Variants in NAALADL2 observed in about 807,000 individuals in gnomAD.
NAALADL2 encodes the protein N-acetylated alpha-linked acidic dipeptidase like 2.
NAALADL2 carries 76 observed loss-of-function variants against 87.2 expected under a neutral mutation model. The observed-to-expected ratio is 0.87, with a 90% CI of 0.72 to 1.05. The LOEUF (loss-of-function observed/expected upper bound fraction) is 1.05, where lower values mean the gene tolerates loss of function less well. Ranked by LOEUF, NAALADL2 falls within the 50% of genes least tolerant of loss-of-function variation. The pLI is 0.00. For synonymous variants in NAALADL2, 354 were observed against 331.0 expected (o/e 1.07, Z -0.75); for missense variants, 1,089 against 945.8 (o/e 1.15, Z -1.99).
intron 2 of NAALADL2, among the ~76,000 whole-genome samples, chr3:174,569,596 T>G (rs1578194053): frequency 6.6e-6 from 1 of 152,128 alleles, no homozygotes; most frequent in Non-Finnish European, 1.5e-5. Flanking sequence ...TGATCAGGTG[T>G]TTGAGTGTTA....
intron 2 of NAALADL2, among the ~76,000 whole-genome samples, chr3:174,670,765 A>G (rs911370464): frequency 6.6e-6 from 1 of 152,060 alleles, no homozygotes; most frequent in Non-Finnish European, 1.5e-5. Context: ...CCCTTTGTTT[A>G]GCAGTGAACT....
intron 1 of NAALADL2, among the ~76,000 whole-genome samples, chr3:174,963,083 C>T (rs1455586367): frequency 1.3e-5 from 2 of 151,846 alleles, no homozygotes; most frequent in African/African-American, 4.8e-5. Context: ...CATTTGAATC[C>T]ATAAATGCAG....
chr3:174,661,634 T>C (rs1015548341), intron 2 of NAALADL2, among the ~76,000 whole-genome samples: 1 of 152,172 alleles, frequency 6.6e-6, no homozygotes, highest in Non-Finnish European at 1.5e-5. Context: ...GGGTATGTTG[T>C]GTAGTGGTGA....
At chr3:175,582,388 A>G (rs899611310) in intron 10 of NAALADL2, among the ~76,000 whole-genome samples, 3 of 152,204 alleles carry the variant, frequency 2.0e-5, no homozygotes, top group Non-Finnish European at 4.4e-5. Flanking sequence ...ATTCTAAATG[A>G]CTATATCATT....
chr3:175,427,267 ATATT>A (rs1716969092), intron 5 of NAALADL2, among the ~76,000 whole-genome samples: 2 of 152,224 alleles, frequency 1.3e-5, no homozygotes, highest in Non-Finnish European at 2.9e-5. Flanking sequence ...AAGAATCAGA[ATATT>A]TCTAGTAGAT....
chr3:175,199,288 C>G (rs1201614123), intron 2 of NAALADL2, among the ~76,000 whole-genome samples: 3 of 152,112 alleles, frequency 2.0e-5, no homozygotes, highest in Non-Finnish European at 1.5e-5. Flanking sequence ...TGTAGTTAGA[C>G]ATGTCTGAAG....
intron 3 of NAALADL2, among the ~76,000 whole-genome samples, chr3:174,825,982 G>T (rs1315683486): frequency 4.0e-5 from 6 of 151,898 alleles, no homozygotes; most frequent in African/African-American, 1.5e-4. Flanking sequence ...AGCCGAGATG[G>T]CGCCACTGCA....
intron 9 of NAALADL2, among the ~76,000 whole-genome samples, chr3:175,553,129 T>C (rs531805537): frequency 6.6e-5 from 10 of 152,186 alleles, no homozygotes; most frequent in Non-Finnish European, 1.5e-4. Flanking sequence ...CTGAGCATGA[T>C]GTCAAGGTCC....
At position 175,254,748 on chromosome 3, in the gene NAALADL2, A is replaced by T. The variant is rs148189166; in HGVS notation, c.820-1663A>T. ...TGATCATTTACTTAATCAGACTTTTAAAATCATATATCAACAGTTATTTAT... is the reference window on the plus strand; with the variant it reads ...TGATCATTTACTTAATCAGACTTTTTAAATCATATATCAACAGTTATTTAT... On this transcript the variant is annotated intron_variant, in intron 3 of 13. Transcript: ENST00000454872. Among the ~76,000 whole-genome samples the T allele has an allele frequency of 3.3e-5, 5 of 152,322 alleles. No individual in the cohort carries two copies. In the East Asian group the frequency reaches 9.6e-4, roughly 29 times the overall value.
At chr3:174,635,204 T>C (rs896914731) in intron 2 of NAALADL2, among the ~76,000 whole-genome samples, 1 of 152,204 alleles carries the variant, frequency 6.6e-6, no homozygotes, top group African/African-American at 2.4e-5. Context: ...ACATCAGGTA[T>C]ATATTCATTG....
At chr3:174,787,608 T>TACATATATATATATACAC (rs1284867078) in intron 3 of NAALADL2, among the ~76,000 whole-genome samples, 6 of 109,336 alleles carry the variant, frequency 5.5e-5, no homozygotes, top group African/African-American at 1.2e-4. Flanking sequence ...TATATATATA[T>TACATATATATATATACAC]ATATATATAT....
At chr3:175,092,442 A>C (rs1720316305) in intron 1 of NAALADL2, among the ~76,000 whole-genome samples, 1 of 151,954 alleles carries the variant, frequency 6.6e-6, no homozygotes. Flanking sequence ...AGTAATATGT[A>C]ACATTTAAAA....
intron 2 of NAALADL2, among the ~76,000 whole-genome samples, chr3:175,210,544 C>T (rs888822714): frequency 2.0e-5 from 3 of 151,264 alleles, no homozygotes; most frequent in Non-Finnish European, 4.4e-5. Flanking sequence ...TTAAATCTTA[C>T]TTATATTGTA....
At chr3:175,306,981 T>C (rs535601984) in intron 4 of NAALADL2, among the ~76,000 whole-genome samples, 20 of 152,334 alleles carry the variant, frequency 1.3e-4, no homozygotes, top group South Asian at 2.1e-4. Flanking sequence ...GTGATCTCAA[T>C]CTGAATCCTC....
At chr3:175,468,644 C>G (rs890838379) in intron 8 of NAALADL2, among the ~76,000 whole-genome samples, 2 of 151,880 alleles carry the variant, frequency 1.3e-5, no homozygotes, top group Non-Finnish European at 2.9e-5. Flanking sequence ...TATCTAGTAA[C>G]TGTCACAATT....
At chr3:175,223,742 G>A (rs968017107) in intron 2 of NAALADL2, among the ~76,000 whole-genome samples, 21 of 152,174 alleles carry the variant, frequency 1.4e-4, no homozygotes, top group African/African-American at 4.1e-4. Flanking sequence ...TGTCAAATAG[G>A]AGCTTTATAA....
In NAALADL2 at chr3:175,313,705, C is replaced by T. The variant is rs925364391; in HGVS notation, c.940-10470C>T. On this transcript the variant is annotated intron_variant, in intron 4 of 13. Coordinates refer to ENST00000454872, the MANE Select transcript of NAALADL2 (RefSeq NM_207015.3). ...GCAATAACAGCATCCTCCTTCCGAGCGAGAAAATATGTTTTGGTTAAAAGT... is the reference window on the plus strand; with the variant it reads ...GCAATAACAGCATCCTCCTTCCGAGTGAGAAAATATGTTTTGGTTAAAAGT... 5.9e-5 allele frequency among the ~76,000 whole-genome samples: 9 copies of T among 151,916 alleles called. No individual in the cohort carries two copies. In the East Asian group the frequency reaches 7.7e-4, roughly 13 times the overall value.
At position 174,916,117 on chromosome 3, in the gene NAALADL2, A is replaced by G. The variant is rs61236200; in HGVS notation, c.43+56667A>G. On this transcript the variant is annotated intron_variant, in intron 1 of 13. Transcript: ENST00000454872. ...ACAAACAGCCAACAAACATAAAAAA[A>G]TGCTCAACATCGCTAATCATGGAAA... 4.7e-3 allele frequency among the ~76,000 whole-genome samples: 710 copies of G among 152,290 alleles called. 7 individuals carry two copies. Among genetic ancestry groups the G allele is most frequent in the African/African-American group, 0.016 (674 of 41,556 alleles).
intron 1 of NAALADL2, among the ~76,000 whole-genome samples, chr3:174,923,674 C>T (rs1579547132): frequency 6.6e-6 from 1 of 152,158 alleles, no homozygotes; most frequent in Non-Finnish European, 1.5e-5. Context: ...CACCATTTTT[C>T]AATATCCTGT....
Sources: allele counts gnomAD v4.1 joint callset (sites outside exome capture counted in the v4.1 genomes callset), GRCh38; gene constraint gnomAD v4.1.1; transcripts MANE v1.5; gene names NCBI Gene and HGNC (gene_info 2026-07-23, HGNC 2026-07-21).